MYOF: variants seen among roughly 807,000 people sequenced by gnomAD.
MYOF encodes the protein myoferlin, also known as fer-1-like 3, myoferlin.
A neutral mutation model predicts 284.2 loss-of-function variants in MYOF; 244 were observed. The observed-to-expected ratio is 0.86, with a 90% CI of 0.77 to 0.95. MYOF has a LOEUF of 0.95. Among genes scored for constraint, MYOF ranks in the 40% least tolerant of loss-of-function variants. MYOF has a pLI of 0.00. For missense variants in MYOF, 2,496 were observed against 2,560.6 expected, an observed-to-expected ratio of 0.97 and a Z score of 0.54; for synonymous variants, 904 against 919.7, an observed-to-expected ratio of 0.98 and a Z score of 0.31.
intron 29 of MYOF, 95 bp from the exon 30 acceptor site, chr10:93,356,943 A>G (rs922708962): frequency 1.6e-6 from 2 of 1,264,186 alleles, no homozygotes; most frequent in Non-Finnish European, 2.2e-6. Context: ...ACAGATACAC[A>G]GTATTCAAAA....
intron 38 of MYOF, among the ~76,000 whole-genome samples, chr10:93,342,418 C>T (rs1008292026): frequency 3.3e-5 from 5 of 152,180 alleles, no homozygotes; most frequent in African/African-American, 4.8e-5. Context: ...TTTCAACCAG[C>T]CTTTCTTATC....
At chr10:93,476,958 G>T (rs930100813) in intron 1 of MYOF, among the ~76,000 whole-genome samples, 2 of 152,178 alleles carry the variant, frequency 1.3e-5, no homozygotes, top group African/African-American at 2.4e-5. Flanking sequence ...TCTGGCTGAT[G>T]GAATGGGGGA....
At chr10:93,351,629 A>T (rs768761199) in intron 33 of MYOF, 36 bp downstream of exon 33, 6 of 1,598,324 alleles carry the variant, frequency 3.8e-6, no homozygotes, top group Non-Finnish European at 5.1e-6. Flanking sequence ...AATCTCCATC[A>T]TCCCCAAGTT....
intron 38 of MYOF, 70 bp downstream of exon 38, chr10:93,343,786 A>G: frequency 6.7e-7 from 1 of 1,489,518 alleles, no homozygotes; most frequent in Non-Finnish European, 9.4e-7. Context: ...GACTGAATTC[A>G]CCAAATGCTT....
chr10:93,468,406 C>T (rs981438304), intron 1 of MYOF, among the ~76,000 whole-genome samples: 2 of 152,186 alleles, frequency 1.3e-5, no homozygotes, highest in African/African-American at 4.8e-5. Flanking sequence ...TACCCATGCC[C>T]AAGACACAGG....
At chr10:93,361,267 G>A (rs533659226) in intron 28 of MYOF, among the ~76,000 whole-genome samples, 185 bp downstream of exon 28, 12 of 152,134 alleles carry the variant, frequency 7.9e-5, no homozygotes, top group Non-Finnish European at 1.2e-4. Flanking sequence ...CTTGCCCGCC[G>A]CTCACCTCCT....
Position 93,402,731 on chromosome 10 carries a change from T to C in MYOF, c.874+129A>G, listed in dbSNP as rs533824398. The C allele has an allele frequency of 2.1e-5, 17 of 799,816 alleles. No individual in the cohort carries two copies. The South Asian group carries it at 3.4e-4, about 16-fold the overall frequency. 49.5% of individuals were successfully genotyped at this position (799,816 alleles called of 1,614,324 possible). On this transcript the variant is annotated intron_variant, in intron 10 of 53. Transcript: ENST00000359263. ...CCTCTCCTCTCCCTCATTAAGAAAA[T>C]ATTTTTTAAAAAATTCCTTTAACTT...
intron 7 of MYOF, among the ~76,000 whole-genome samples, chr10:93,407,423 C>CAAAAAA (rs144461915): frequency 7.9e-5 from 3 of 38,088 alleles, no homozygotes; most frequent in African/African-American, 3.0e-4. Context: ...GACTCTGTCT[C>CAAAAAA]AAAAAAAAAA....
chr10:93,381,094 C>A, intron 20 of MYOF, 125 bp downstream of exon 20: 1 of 1,080,042 alleles, frequency 9.3e-7, no homozygotes, highest in South Asian at 1.6e-5. Context: ...CCTCATTCAA[C>A]CTTTTCCTTT....
intron 48 of MYOF, among the ~76,000 whole-genome samples, chr10:93,322,705 G>A (rs1842893076): frequency 6.6e-6 from 1 of 152,174 alleles, no homozygotes; most frequent in African/African-American, 2.4e-5. Flanking sequence ...AATTTTGGGA[G>A]CTTTACTTGT....
At chr10:93,398,340 C>T (rs1847121485) in intron 13 of MYOF, among the ~76,000 whole-genome samples, 1 of 152,188 alleles carries the variant, frequency 6.6e-6, no homozygotes, top group Non-Finnish European at 1.5e-5. Context: ...ATAAACACTC[C>T]TCCCCTGCAC....
chr10:93,395,910 T>A (rs1428780787), intron 16 of MYOF, among the ~76,000 whole-genome samples: 1 of 149,064 alleles, frequency 6.7e-6, no homozygotes, highest in Non-Finnish European at 1.5e-5. Flanking sequence ...TTTCTAAAAG[T>A]TTACAATATA....
intron 3 of MYOF, among the ~76,000 whole-genome samples, chr10:93,446,192 CGCAGGGTCGGCCTTCCACT>C (rs139716610): frequency 2.6e-5 from 4 of 151,438 alleles, no homozygotes; most frequent in African/African-American, 7.4e-5. Flanking sequence ...ACAGAGCTGA[CGCAGGGTCGGCCTTCCACT>C]GCAAGACAGT....
intron 48 of MYOF, among the ~76,000 whole-genome samples, chr10:93,320,420 T>C (rs577721497): frequency 6.6e-6 from 1 of 152,186 alleles, no homozygotes; most frequent in African/African-American, 2.4e-5. Flanking sequence ...TAGCTCAAAA[T>C]TTTAGCATTT....
At chr10:93,449,074 G>T (rs2056518421) in intron 3 of MYOF, among the ~76,000 whole-genome samples, 1 of 152,246 alleles carries the variant, frequency 6.6e-6, no homozygotes, top group East Asian at 1.9e-4. Context: ...GTCCAATATG[G>T]TGGCCACTAG....
intron 38 of MYOF, among the ~76,000 whole-genome samples, chr10:93,341,723 C>T (rs1408031): frequency 0.25 from 37,780 of 152,104 alleles, 6,462 homozygotes; most frequent in East Asian, 0.89. Context: ...TAATAATAAA[C>T]TTGCAATGGG....
At chr10:93,345,108 A>T (rs1844125498) in intron 37 of MYOF, among the ~76,000 whole-genome samples, 1 of 152,214 alleles carries the variant, frequency 6.6e-6, no homozygotes, top group Non-Finnish European at 1.5e-5. Context: ...AAACTCTGCC[A>T]AGCCAACAGA....
Position 93,482,184 on chromosome 10 carries a change from A to G in MYOF, c.11T>C (p.Val4Ala). Residue 4 changes from valine to alanine, a missense_variant, in exon 1 of 54, where the codon GTG becomes GCG. Around this residue, in one of 3 missense-constraint regions of MYOF, gnomAD observed 57 missense variants for 62.4 expected, o/e 0.91. Transcript: ENST00000359263. MLRVIVESASNIPK... is the reference protein window; with the variant it reads MLRAIVESASNIPK... ...GATATTGCTGGCAGATTCCACAATC[A>G]CTCGCAGCATGGTTCTTAGCTGGTA... 6.2e-7 allele frequency: 1 copy of G among 1,614,020 alleles called. No homozygotes were observed.
At chr10:93,344,793 GTATATTT>G (rs1179339846) in intron 37 of MYOF, among the ~76,000 whole-genome samples, 1 of 148,400 alleles carries the variant, frequency 6.7e-6, no homozygotes, top group East Asian at 2.0e-4. Flanking sequence ...GTGGATTGTT[GTATATTT>G]CAGGCCTGAG....
Sources: gnomAD v4.1 joint callset for allele counts (sites outside exome capture counted in the v4.1 genomes callset) on GRCh38, gnomAD v4.1.1 for gene constraint, gnomAD v4.1.1 regional missense constraint, MANE v1.5 for transcripts, NCBI Gene and HGNC (gene_info 2026-07-23, HGNC 2026-07-21) for gene names.